Variants in CPLX1 observed in about 807,000 individuals in gnomAD.
CPLX1 encodes the protein complexin-1.
In CPLX1, 6 loss-of-function variants were observed where a neutral mutation model predicts 15.6. That is an observed-to-expected ratio of 0.39 (90% CI 0.21 to 0.76). The LOEUF is 0.76. Ranked by LOEUF, CPLX1 falls within the 30% of genes least tolerant of loss-of-function variation. The pLI, the probability that CPLX1 is intolerant of heterozygous loss-of-function variation, is 0.43. For synonymous variants in CPLX1, 91 were observed against 75.2 expected (o/e 1.21, Z -1.08); for missense variants, 242 against 188.6 (o/e 1.28, Z -1.66).
intron 2 of CPLX1, among the ~76,000 whole-genome samples, chr4:797,593 T>G (rs1746366424): frequency 6.7e-6 from 1 of 149,432 alleles, no homozygotes. Context: ...CCCAAAGTGC[T>G]GGGATTACAA....
At chr4:800,737 ATAT>A (rs1560241228) in intron 2 of CPLX1, among the ~76,000 whole-genome samples, 7 of 9,278 alleles carry the variant, frequency 7.5e-4, no homozygotes, top group African/African-American at 3.7e-3. Flanking sequence ...AAAAAAAAAT[ATAT>A]ATATATATAT....
At chr4:806,130 A>G (rs1746551577) in intron 2 of CPLX1, among the ~76,000 whole-genome samples, 1 of 152,186 alleles carries the variant, frequency 6.6e-6, no homozygotes, top group Non-Finnish European at 1.5e-5. Flanking sequence ...AAAAAAGAGA[A>G]GCATATACCT....
chr4:822,318 T>C (rs1746884701), intron 2 of CPLX1, among the ~76,000 whole-genome samples: 1 of 151,520 alleles, frequency 6.6e-6, no homozygotes, highest in African/African-American at 2.4e-5. Flanking sequence ...CCTCTGTCTC[T>C]CCCTCTGCTC....
chr4:811,874 C>T (rs1165538791), intron 2 of CPLX1, among the ~76,000 whole-genome samples: 2 of 152,148 alleles, frequency 1.3e-5, no homozygotes, highest in East Asian at 3.8e-4. Context: ...TATGTTGGAA[C>T]TCAGCTGTCG....
chr4:798,144 G>T (rs573709418), intron 2 of CPLX1, among the ~76,000 whole-genome samples: 1 of 151,868 alleles, frequency 6.6e-6, no homozygotes, highest in Admixed American at 6.5e-5. Flanking sequence ...GTGTGGTGGC[G>T]TGTGCCTGTA....
intron 1 of CPLX1, chr4:824,898 C>T (rs1746947553): frequency 4.7e-6 from 2 of 428,024 alleles, no homozygotes; most frequent in East Asian, 5.6e-5. Context: ...GAAGCAGGGG[C>T]GGGGCCCAGG....
chr4:786,615 G>A lies in CPLX1; in HGVS notation c.291C>T (p.Pro97=). 1.2e-6 allele frequency: 2 copies of A among 1,612,584 alleles called. No homozygotes were observed. Among genetic ancestry groups the A allele is most frequent in the Non-Finnish European group, 1.7e-6 (2 of 1,179,430 alleles). ...EANSEGSLTR[P]KKAIPPGCGD... Reference sequence around the variant, plus strand: ...CGCAGCCCGGCGGGATGGCCTTCTTGGGCCGCGTCAAGCTCCCCTCGGAGT... The same window carrying A: ...CGCAGCCCGGCGGGATGGCCTTCTTAGGCCGCGTCAAGCTCCCCTCGGAGT... The change falls in exon 4 of 4, where the codon CCC becomes CCT. Residue 97 remains proline, a synonymous_variant. Coordinates refer to ENST00000304062, the MANE Select transcript of CPLX1 (RefSeq NM_006651.4).
At chr4:788,456 T>A in intron 3 of CPLX1, 1 of 985,230 alleles carries the variant, frequency 1.0e-6, no homozygotes, top group Non-Finnish European at 1.2e-6. Flanking sequence ...CTCGCCCTAG[T>A]CCTCAGCAGC....
chr4:805,025 C>T (rs1746529430), intron 2 of CPLX1: 2 of 768,704 alleles, frequency 2.6e-6, no homozygotes, highest in Non-Finnish European at 3.2e-6. Context: ...CACGCTCGCG[C>T]ACCGTCTGTC....
At chr4:797,454 A>T (rs1746363668) in intron 2 of CPLX1, among the ~76,000 whole-genome samples, 1 of 152,158 alleles carries the variant, frequency 6.6e-6, no homozygotes, top group Non-Finnish European at 1.5e-5. Flanking sequence ...CAGCCTCCCA[A>T]GTAGCCAGGA....
At chr4:809,489 G>GC (rs1746621698) in intron 2 of CPLX1, among the ~76,000 whole-genome samples, 1 of 152,164 alleles carries the variant, frequency 6.6e-6, no homozygotes, top group Non-Finnish European at 1.5e-5. Context: ...CCTGCCTGCT[G>GC]CCCTCACTCA....
intron 1 of CPLX1, 30 bp from the exon 2 acceptor site, chr4:824,631 C>T (rs1488287966): frequency 1.6e-6 from 2 of 1,214,232 alleles, no homozygotes; most frequent in East Asian, 2.3e-5. Flanking sequence ...TCACAGGTCA[C>T]CCTAAGCAGG....
chr4:793,346 G>T (rs150414590), intron 2 of CPLX1, among the ~76,000 whole-genome samples: 2 of 152,240 alleles, frequency 1.3e-5, no homozygotes, highest in African/African-American at 4.8e-5. Context: ...GGGGCTGCAG[G>T]GGACCGCTTG....
Position 824,604 on chromosome 4 carries a change from G to T in CPLX1, c.-79-3C>A, listed in dbSNP as rs769262179. The T allele has an allele frequency of 6.7e-7, 1 of 1,487,354 alleles. No homozygotes were observed. Among genetic ancestry groups the T allele is most frequent in the South Asian group, 1.1e-5 (1 of 88,624 alleles). The allele number at this position is 1,487,354 out of a possible 1,614,324, so 92.1% of individuals were successfully genotyped here. On this transcript the variant is annotated splice_polypyrimidine_tract_variant and splice_region_variant and intron_variant, in intron 1 of 3. Coordinates refer to ENST00000304062, the MANE Select transcript of CPLX1 (RefSeq NM_006651.4). ...ATGGCCGGGAGCGAGTGTTCTTCCT[G>T]GGGGAGAGTGAAGTGGTCACAGGTC... is the stretch of plus-strand genomic sequence containing the variant.
At chr4:798,491 A>G (rs761344921) in intron 2 of CPLX1, among the ~76,000 whole-genome samples, 11 of 152,290 alleles carry the variant, frequency 7.2e-5, no homozygotes, top group Non-Finnish European at 1.3e-4. Flanking sequence ...AGCTCACTGC[A>G]GTCTCAACTT....
intron 2 of CPLX1, among the ~76,000 whole-genome samples, chr4:805,548 C>G (rs561043596): frequency 6.6e-6 from 1 of 152,202 alleles, no homozygotes; most frequent in Non-Finnish European, 1.5e-5. Context: ...TCTGGCTGTT[C>G]CTCAAAAAAT....
At chr4:804,265 A>C (rs984284660) in intron 2 of CPLX1, among the ~76,000 whole-genome samples, 1 of 152,220 alleles carries the variant, frequency 6.6e-6, no homozygotes, top group Non-Finnish European at 1.5e-5. Context: ...ACACGATCCT[A>C]TCTCTGAGAA....
intron 3 of CPLX1, among the ~76,000 whole-genome samples, chr4:792,218 C>T (rs2152642991): frequency 6.6e-6 from 1 of 152,344 alleles, no homozygotes; most frequent in South Asian, 2.1e-4. Context: ...AGGGCTGGCG[C>T]TGTGGTCAGG....
intron 3 of CPLX1, chr4:788,621 T>G (rs970352692): frequency 2.0e-6 from 2 of 983,754 alleles, no homozygotes; most frequent in Non-Finnish European, 2.4e-6. Context: ...CAAGAGCAGA[T>G]TGGTTCTCGT....
Sources: allele counts gnomAD v4.1 joint callset (sites outside exome capture counted in the v4.1 genomes callset), GRCh38; gene constraint gnomAD v4.1.1; transcripts MANE v1.5; gene names NCBI Gene and HGNC (gene_info 2026-07-23, HGNC 2026-07-21).